Variants in MRPS5 observed in about 807,000 individuals in gnomAD.
The protein encoded by MRPS5 is small ribosomal subunit protein uS5m.
MRPS5 carries 27 observed loss-of-function variants against 51.9 expected under a neutral mutation model. The ratio of observed to expected loss-of-function variants is 0.52; its 90% confidence interval spans 0.38 to 0.72. The LOEUF (loss-of-function observed/expected upper bound fraction) is 0.72, where lower values mean the gene tolerates loss of function less well. MRPS5 is among the 30% of genes least tolerant of loss of function. The pLI is 0.00. For synonymous variants in MRPS5, 196 were observed against 193.2 expected (o/e 1.01, Z -0.12); for missense variants, 570 against 545.7 (o/e 1.04, Z -0.44).
intron 3 of MRPS5, among the ~76,000 whole-genome samples, chr2:95,112,371 T>TTA (rs766944604): frequency 3.8e-4 from 57 of 151,966 alleles, no homozygotes; most frequent in African/African-American, 5.3e-4. Context: ...CGGCCTCATG[T>TTA]TATATATATA....
chr2:95,104,381 T>C, intron 7 of MRPS5: 1 of 486,576 alleles, frequency 2.1e-6, no homozygotes, highest in Non-Finnish European at 3.8e-6. Flanking sequence ...CTATTATACA[T>C]AATAAAATAA....
chr2:95,087,516 G>A lies in MRPS5; in HGVS notation c.1134C>T (p.Gly378=). ...GGGACGCAACCACAATGGGCAGAGG[G>A]CCACATTCCTCCCGGATTTCCACAA... ...LHVVEIREEC[G]PLPIVVASPR... Residue 378 remains glycine, a synonymous_variant, in exon 12 of 12, where the codon GGC becomes GGT. Transcript: ENST00000272418. 1.2e-6 allele frequency: 2 copies of A among 1,614,168 alleles called. No individual in the cohort carries two copies. Among genetic ancestry groups the A allele is most frequent in the Non-Finnish European group, 1.7e-6 (2 of 1,180,038 alleles).
At position 95,109,817 on chromosome 2, in the gene MRPS5, C is replaced by T. The variant is rs376360004; in HGVS notation, c.403+99G>A. On this transcript the variant is annotated intron_variant, in intron 4 of 11. Coordinates refer to ENST00000272418, the MANE Select transcript of MRPS5 (RefSeq NM_031902.5). ...TAAAACCATAGATCGTAGTGCCCTT[C>T]ATAAGAAATGTTTTGATGCTTCTAG... 80 of 1,370,434 alleles carry T rather than the reference C, an allele frequency of 5.8e-5. No homozygotes were observed. The African/African-American group carries it at 1.0e-3, about 18-fold the overall frequency. The allele number at this position is 1,370,434 out of a possible 1,614,324, so 84.9% of individuals were successfully genotyped here. A position where few individuals can be genotyped will look rare whatever the true frequency, so the allele number is the denominator to read the frequency against.
intron 7 of MRPS5, among the ~76,000 whole-genome samples, chr2:95,103,304 C>T (rs768172162): frequency 7.2e-5 from 11 of 152,090 alleles, no homozygotes; most frequent in Non-Finnish European, 1.5e-4. Context: ...AAGCATATAA[C>T]GAACAGATCT....
At chr2:95,106,277 C>A in intron 6 of MRPS5, 146 bp downstream of exon 6, 1 of 708,098 alleles carries the variant, frequency 1.4e-6, no homozygotes, top group Non-Finnish European at 2.5e-6. Flanking sequence ...ATTAAAGTTG[C>A]ACAATTTTCC....
At chr2:95,099,574 T>C (rs941335614) in intron 10 of MRPS5, among the ~76,000 whole-genome samples, 1 of 152,226 alleles carries the variant, frequency 6.6e-6, no homozygotes, top group African/African-American at 2.4e-5. Context: ...ACGTGCTCAA[T>C]AGCCAGGCCC....
chr2:95,110,459 T>A (rs148180008), intron 3 of MRPS5, among the ~76,000 whole-genome samples: 2 of 152,286 alleles, frequency 1.3e-5, no homozygotes, highest in African/African-American at 4.8e-5. Context: ...CAAACAAGAA[T>A]CAACATTTCA....
intron 10 of MRPS5, among the ~76,000 whole-genome samples, chr2:95,094,989 C>T (rs765165095): frequency 1.2e-4 from 18 of 152,076 alleles, no homozygotes; most frequent in African/African-American, 2.4e-4. Context: ...ACCCATCTCA[C>T]GTGCAGAGAC....
intron 3 of MRPS5, among the ~76,000 whole-genome samples, chr2:95,111,371 TACTAAGAGGCCAA>T (rs1676111897): frequency 6.6e-6 from 1 of 152,236 alleles, no homozygotes; most frequent in Non-Finnish European, 1.5e-5. Context: ...AATGGAGGCA[TACTAAGAGGCCAA>T]TCAATCACAG....
intron 10 of MRPS5, chr2:95,092,489 T>C (rs1404956337): frequency 6.6e-6 from 1 of 152,344 alleles, no homozygotes; most frequent in African/African-American, 2.4e-5. Context: ...TAGTAACACA[T>C]AGGCACATCA....
intron 10 of MRPS5, among the ~76,000 whole-genome samples, chr2:95,099,443 T>A (rs1675733093): frequency 6.6e-6 from 1 of 152,234 alleles, no homozygotes; most frequent in South Asian, 2.1e-4. Flanking sequence ...CCAAACATTA[T>A]CATTTAAAAT....
At position 95,104,728 on chromosome 2, in the gene MRPS5, T is replaced by G; in HGVS notation, c.675A>C (p.Val225=). ...YEDFDTRILE[V]RNVFTMTAKE... is the part of the protein sequence containing the mutation. ...TCGCAGTCATAGTGAAAACGTTTCT[T>G]ACCTAAAAGGCAAAATGTCTCATAA... The change falls in exon 7 of 12, where the codon GTA becomes GTC. Residue 225 remains valine (V), a splice_region_variant and synonymous_variant. Transcript: ENST00000272418. 1 of 1,613,842 alleles carries G rather than the reference T, an allele frequency of 6.2e-7. No homozygotes were observed. Among genetic ancestry groups the G allele is most frequent in the Non-Finnish European group, 8.5e-7 (1 of 1,179,842 alleles).
At chr2:95,098,537 C>T (rs1439735726) in intron 10 of MRPS5, among the ~76,000 whole-genome samples, 4 of 152,026 alleles carry the variant, frequency 2.6e-5, no homozygotes, top group African/African-American at 7.2e-5. Flanking sequence ...TCATGTCCTT[C>T]GTAGGGACAT....
At chr2:95,115,544 C>T (rs1676262110) in intron 2 of MRPS5, among the ~76,000 whole-genome samples, 1 of 152,148 alleles carries the variant, frequency 6.6e-6, no homozygotes, top group Admixed American at 6.5e-5. Context: ...CAGCCAGCAA[C>T]GTATTGCTGT....
Position 95,087,496 on chromosome 2 carries a change from G to C in MRPS5, c.1154C>G (p.Ala385Gly), listed in dbSNP as rs749418808. Residue 385 changes from alanine (A) to glycine (G), a missense_variant, in exon 12 of 12, where the codon GCG (alanine) becomes GGG (glycine). By Grantham distance (60) the Ala-to-Gly change is moderately conservative. Coordinates refer to ENST00000272418, the MANE Select transcript of MRPS5 (RefSeq NM_031902.5). ...CTTCCTCAAGGGCCCCCGGGGGGAC[G>C]CAACCACAATGGGCAGAGGGCCACA... is the stretch of plus-strand genomic sequence containing the variant. The part of the protein sequence containing the change: ...EECGPLPIVV[A>G]SPRGPLRKDP... The C allele has an allele frequency of 1.2e-6, 2 of 1,614,146 alleles. No individual in the cohort carries two copies. The highest frequency in any genetic ancestry group is 1.7e-6 in the Non-Finnish European group (2 of 1,180,024).
chr2:95,090,356 CCT>C (rs771555789), intron 11 of MRPS5, 28 bp downstream of exon 11: 37 of 1,610,678 alleles, frequency 2.3e-5, no homozygotes, highest in Non-Finnish European at 3.0e-5. Flanking sequence ...CAAACTAGAA[CCT>C]CTGTTTCAGA....
In MRPS5 at chr2:95,108,349, G is replaced by C. The variant is rs1676012889; in HGVS notation, c.463C>G (p.Gln155Glu). 6.2e-7 allele frequency: 1 copy of C among 1,614,166 alleles called. No individual in the cohort carries two copies. The highest frequency in any genetic ancestry group is 8.5e-7 in the Non-Finnish European group (1 of 1,180,032). Reference sequence around the variant, plus strand: ...TCCTTGCTTCTTTGGGCAATGGTCTGCACTGCTCCATTTTTCATAAGAGGG... The same window carrying C: ...TCCTTGCTTCTTTGGGCAATGGTCTCCACTGCTCCATTTTTCATAAGAGGG... ...NVPLMKNGAV[Q>E]TIAQRSKEEQ... The change falls in exon 5 of 12, where the codon CAG (glutamine) becomes GAG (glutamate). Residue 155 changes from glutamine (Q) to glutamate (E), a missense_variant. Physicochemically the swap from Gln to Glu is conservative, Grantham distance 29. Coordinates refer to ENST00000272418, the MANE Select transcript of MRPS5 (RefSeq NM_031902.5).
chr2:95,097,701 G>A (rs936575167), intron 10 of MRPS5, among the ~76,000 whole-genome samples: 14 of 152,126 alleles, frequency 9.2e-5, no homozygotes, highest in Non-Finnish European at 1.8e-4. Flanking sequence ...ATTAATTCAA[G>A]ATGGATTAAA....
At chr2:95,120,196 GA>G (rs1391859517) in intron 1 of MRPS5, among the ~76,000 whole-genome samples, 1 of 152,160 alleles carries the variant, frequency 6.6e-6, no homozygotes, top group African/African-American at 2.4e-5. Flanking sequence ...CCAAAAGGTG[GA>G]AACAACCCAA....
Sources: gnomAD v4.1 joint callset for allele counts (sites outside exome capture counted in the v4.1 genomes callset) on GRCh38, gnomAD v4.1.1 for gene constraint, MANE v1.5 for transcripts, NCBI Gene and HGNC (gene_info 2026-07-23, HGNC 2026-07-21) for gene names.